The following ST3GAL3 variants were observed in gnomAD, a reference collection of about 807,000 sequenced individuals.
ST3GAL3 encodes the protein CMP-N-acetylneuraminate-beta-1,4-galactoside alpha-2,3-sialyltransferase.
Under a neutral mutation model 50.1 loss-of-function variants are expected in ST3GAL3, and 21 were observed. The observed-to-expected ratio is 0.42, with a 90% CI of 0.30 to 0.60. The LOEUF (loss-of-function observed/expected upper bound fraction) is 0.60. ST3GAL3 is among the 20% of genes least tolerant of loss of function. The pLI, the probability that ST3GAL3 is intolerant of heterozygous loss-of-function variation, is 0.19. For missense variants in ST3GAL3, 353 were observed against 489.4 expected, an observed-to-expected ratio of 0.72 and a Z score of 2.63; for synonymous variants, 183 against 190.0, an observed-to-expected ratio of 0.96 and a Z score of 0.30.
chr1:43,894,960 T>C (rs184486095), intron 6 of ST3GAL3, among the ~76,000 whole-genome samples: 126 of 152,276 alleles, frequency 8.3e-4, no homozygotes, highest in Middle Eastern at 3.4e-3. Flanking sequence ...CCCACCACTT[T>C]GCCAGGGGTT....
intron 4 of ST3GAL3, among the ~76,000 whole-genome samples, chr1:43,824,340 T>C (rs1243960115): frequency 6.6e-6 from 1 of 150,878 alleles, no homozygotes. Flanking sequence ...TGACTTCAGA[T>C]GGCCAGCTTC....
chr1:43,767,857 A>C (rs1200094233), intron 2 of ST3GAL3, among the ~76,000 whole-genome samples: 2 of 152,012 alleles, frequency 1.3e-5, no homozygotes, highest in Non-Finnish European at 2.9e-5. Flanking sequence ...AAAACTTGTC[A>C]AAACTTGTAT....
intron 9 of ST3GAL3, among the ~76,000 whole-genome samples, chr1:43,906,081 C>CCCT (rs2079542286): frequency 9.2e-6 from 1 of 108,822 alleles, no homozygotes; most frequent in African/African-American, 3.6e-5. Context: ...CTTTTCCTCC[C>CCCT]CCTCCTCCTG....
chr1:43,778,803 G>T lies in ST3GAL3; in HGVS notation c.119-13299G>T, dbSNP rs1488914754. On this transcript the variant is annotated intron_variant, in intron 2 of 11. Coordinates refer to ENST00000347631, the MANE Select transcript of ST3GAL3 (RefSeq NM_006279.5). Reference sequence around the variant, plus strand: ...TGGGACTACAGGCACCCGCCACAACGCCCGGCTAATTTTTTTTGTATTTTT... The same window carrying T: ...TGGGACTACAGGCACCCGCCACAACTCCCGGCTAATTTTTTTTGTATTTTT... 2.0e-5 allele frequency among the ~76,000 whole-genome samples: 3 copies of T among 151,414 alleles called. No individual in the cohort carries two copies. The East Asian group carries it at 5.8e-4, about 29-fold the overall frequency.
intron 4 of ST3GAL3, among the ~76,000 whole-genome samples, chr1:43,833,764 G>T (rs1269758807): frequency 1.3e-5 from 2 of 152,168 alleles, no homozygotes; most frequent in Non-Finnish European, 2.9e-5. Context: ...GAAGATGAAG[G>T]TCTGCCCTAG....
At chr1:43,805,009 T>C (rs1362790976) in intron 3 of ST3GAL3, among the ~76,000 whole-genome samples, 2 of 152,224 alleles carry the variant, frequency 1.3e-5, no homozygotes, top group Middle Eastern at 3.2e-3. Flanking sequence ...CTGTGCCAGA[T>C]GTGATATTGG....
At chr1:43,756,100 CAAAAAAA>C (rs139101819) in intron 2 of ST3GAL3, among the ~76,000 whole-genome samples, 1 of 72,142 alleles carries the variant, frequency 1.4e-5, no homozygotes, top group Non-Finnish European at 2.3e-5. Flanking sequence ...GAACCAGTCT[CAAAAAAA>C]AAAAAAAAAA....
At chr1:43,843,883 G>A (rs1255810269) in intron 5 of ST3GAL3, among the ~76,000 whole-genome samples, 1 of 152,128 alleles carries the variant, frequency 6.6e-6, no homozygotes, top group African/African-American at 2.4e-5. Flanking sequence ...GATCCCACAG[G>A]TTGACGGCCG....
chr1:43,842,705 C>G (rs939856849), intron 5 of ST3GAL3: 15 of 148,706 alleles, frequency 1.0e-4, no homozygotes, highest in African/African-American at 3.5e-4. Flanking sequence ...ACTTGGGAGG[C>G]TGAGGCAGGA....
intron 1 of ST3GAL3, among the ~76,000 whole-genome samples, chr1:43,717,472 A>G (rs1218386791): frequency 6.6e-6 from 1 of 150,608 alleles, no homozygotes; most frequent in Non-Finnish European, 1.5e-5. Flanking sequence ...GGGAACATTT[A>G]TATTTTGTTT....
At chr1:43,845,494 C>G (rs1239744334) in intron 5 of ST3GAL3, among the ~76,000 whole-genome samples, 1 of 151,840 alleles carries the variant, frequency 6.6e-6, no homozygotes, top group African/African-American at 2.4e-5. Context: ...CTCTTTCATG[C>G]CTGATATTCG....
rs1679009652 is a variant in ST3GAL3 at position 43,737,479 on chromosome 1, G to A, written c.118+1099G>A. The A allele has an allele frequency of 6.6e-6, 1 of 152,182 alleles. No homozygotes were observed. The highest frequency in any genetic ancestry group is 1.5e-5 in the Non-Finnish European group (1 of 68,040). The allele number at this position is 152,182 out of a possible 1,614,324, so 9.4% of individuals were successfully genotyped here. A position where few individuals can be genotyped will look rare whatever the true frequency, so the allele number is the denominator to read the frequency against. On this transcript the variant is annotated intron_variant, in intron 2 of 11. Coordinates refer to ENST00000347631, the MANE Select transcript of ST3GAL3 (RefSeq NM_006279.5). The surrounding 1 kb of genome is among the most constrained non-coding windows in gnomAD (Gnocchi z 4.0). ...GTTTCAAGCCAGTTTTTAAAATATA[G>A]TGTTATATCCTTAATTTACTGTTTT...
At position 43,858,406 on chromosome 1, in the gene ST3GAL3, A is replaced by T. The variant is rs550191154; in HGVS notation, c.302+20095A>T. 3 of 1,078,650 alleles carry T rather than the reference A, an allele frequency of 2.8e-6. No individual in the cohort carries two copies. The Admixed American group carries it at 1.1e-4, about 39-fold the overall frequency. 66.8% of individuals were successfully genotyped at this position (1,078,650 alleles called of 1,614,324 possible). A position where few individuals can be genotyped will look rare whatever the true frequency, so the allele number is the denominator to read the frequency against. ...CAGCCTAGGAGCAGGAACTGTAGGG[A>T]TGCTTAGAAGCACAGTCCCTGGTGA... is the stretch of plus-strand genomic sequence containing the variant. On this transcript the variant is annotated intron_variant, in intron 5 of 11. Coordinates refer to ENST00000347631, the MANE Select transcript of ST3GAL3 (RefSeq NM_006279.5).
At chr1:43,765,792 C>CGCGCGTCCGCGCGTCCGCGT in intron 2 of ST3GAL3, among the ~76,000 whole-genome samples, 1 of 146,816 alleles carries the variant, frequency 6.8e-6, no homozygotes, top group East Asian at 2.0e-4. Context: ...TGTGCGCGCG[C>CGCGCGTCCGCGCGTCCGCGT]GCGCGCGCGT....
intron 5 of ST3GAL3, among the ~76,000 whole-genome samples, chr1:43,890,865 C>CA (rs2076592724): frequency 6.6e-6 from 1 of 152,116 alleles, no homozygotes; most frequent in Non-Finnish European, 1.5e-5. Context: ...GCCTGGGTAA[C>CA]AGACGTATAC....
At chr1:43,876,164 A>G (rs1241532688) in intron 5 of ST3GAL3, among the ~76,000 whole-genome samples, 2 of 151,908 alleles carry the variant, frequency 1.3e-5, no homozygotes, top group Non-Finnish European at 2.9e-5. Flanking sequence ...GGGTTTCGCC[A>G]TGTTGCTCAG....
intron 1 of ST3GAL3, among the ~76,000 whole-genome samples, chr1:43,721,010 C>G (rs1458040805): frequency 6.6e-6 from 1 of 152,022 alleles, no homozygotes; most frequent in Middle Eastern, 3.2e-3. Flanking sequence ...TTTGGGAGGC[C>G]TAAAGCAGGA....
At chr1:43,903,058 G>A in intron 9 of ST3GAL3, among the ~76,000 whole-genome samples, 1 of 152,168 alleles carries the variant, frequency 6.6e-6, no homozygotes, top group Non-Finnish European at 1.5e-5. Flanking sequence ...GACCCTGAAG[G>A]AAGAGTTAGG....
chr1:43,913,042 T>G (rs2081196780), intron 9 of ST3GAL3: 1 of 152,282 alleles, frequency 6.6e-6, no homozygotes, highest in African/African-American at 2.4e-5. Context: ...GGCAGAGGCC[T>G]TGTGGAATAG....
Sources: gnomAD v4.1 joint callset for allele counts (sites outside exome capture counted in the v4.1 genomes callset) on GRCh38, gnomAD v4.1.1 for gene constraint, Gnocchi (gnomAD v3.1) non-coding constraint, MANE v1.5 for transcripts, NCBI Gene and HGNC (gene_info 2026-07-23, HGNC 2026-07-21) for gene names.